Variants in XRCC5 observed in about 807,000 individuals in gnomAD.
The protein encoded by XRCC5 is X-ray repair cross complementing 5.
A neutral mutation model predicts 95.7 loss-of-function variants in XRCC5; 12 were observed. The observed-to-expected ratio is 0.13, with a 90% CI of 0.08 to 0.20. The LOEUF is 0.20. Among genes scored for constraint, XRCC5 ranks in the 10% least tolerant of loss-of-function variants. XRCC5 has a pLI of 1.00. For missense variants in XRCC5, 595 were observed against 873.9 expected, an observed-to-expected ratio of 0.68 and a Z score of 4.02; for synonymous variants, 281 against 290.3, an observed-to-expected ratio of 0.97 and a Z score of 0.33.
intron 8 of XRCC5, among the ~76,000 whole-genome samples, chr2:216,129,772 C>A (rs942180424): frequency 6.6e-6 from 1 of 152,218 alleles, no homozygotes; most frequent in Non-Finnish European, 1.5e-5. Context: ...CTCCCAGGTT[C>A]AAGTGATTCT....
intron 16 of XRCC5, among the ~76,000 whole-genome samples, chr2:216,189,981 A>G (rs552397491): frequency 6.6e-6 from 1 of 152,350 alleles, no homozygotes; most frequent in East Asian, 1.9e-4. Context: ...TTCAACTATA[A>G]TTCTCAGCAT....
At chr2:216,185,460 A>T (rs144297473) in intron 16 of XRCC5, among the ~76,000 whole-genome samples, 27 of 152,356 alleles carry the variant, frequency 1.8e-4, no homozygotes, top group African/African-American at 6.3e-4. Context: ...TTAAACAATG[A>T]TTATAATTTA....
At chr2:216,161,530 C>G (rs1302843678) in intron 15 of XRCC5, among the ~76,000 whole-genome samples, 1 of 152,224 alleles carries the variant, frequency 6.6e-6, no homozygotes, top group Non-Finnish European at 1.5e-5. Context: ...AGCAGTCCCA[C>G]TAATGGGCAC....
intron 15 of XRCC5, among the ~76,000 whole-genome samples, chr2:216,161,212 TCTTGTTCTGAGAG>T (rs1297220376): frequency 6.6e-6 from 1 of 152,176 alleles, no homozygotes; most frequent in African/African-American, 2.4e-5. Context: ...AAAGTCATGA[TCTTGTTCTGAGAG>T]CTTTTCTGCT....
chr2:216,158,862 C>T (rs2106025912), intron 14 of XRCC5, among the ~76,000 whole-genome samples: 1 of 152,232 alleles, frequency 6.6e-6, no homozygotes. Flanking sequence ...TTTATTTTCT[C>T]TTGGCTTCAT....
Position 216,119,039 on chromosome 2 carries a change from T to C in XRCC5, c.369-4T>C. The C allele has an allele frequency of 1.2e-6, 2 of 1,613,522 alleles. No homozygotes were observed. Among genetic ancestry groups the C allele is most frequent in the Non-Finnish European group, 1.7e-6 (2 of 1,179,570 alleles). ...TTTCTTAATATGATAACTCTCTCTT[T>C]TAGAGGAAAGAAGTTTGAGAAGAGG... On this transcript the variant is annotated splice_region_variant and splice_polypyrimidine_tract_variant and intron_variant, in intron 4 of 20. Transcript: ENST00000392132.
chr2:216,146,496 GTT>G (rs899408410), intron 13 of XRCC5, among the ~76,000 whole-genome samples: 4 of 151,838 alleles, frequency 2.6e-5, no homozygotes, highest in African/African-American at 9.7e-5. Flanking sequence ...TGTTTTGTTT[GTT>G]TTTTTTAGAA....
intron 16 of XRCC5, among the ~76,000 whole-genome samples, chr2:216,174,341 G>T (rs2111959): frequency 0.18 from 27,409 of 152,132 alleles, 3,110 homozygotes; most frequent in African/African-American, 0.33. Context: ...AATGGGGACA[G>T]TAGATTCCCC....
At chr2:216,194,233 C>T (rs772810079) in intron 18 of XRCC5, among the ~76,000 whole-genome samples, 4 of 151,990 alleles carry the variant, frequency 2.6e-5, no homozygotes, top group Non-Finnish European at 5.9e-5. Flanking sequence ...ATTTTTTTCT[C>T]ATCAGTGTTA....
At chr2:216,130,517 CA>C (rs1696979501) in intron 8 of XRCC5, among the ~76,000 whole-genome samples, 1 of 152,038 alleles carries the variant, frequency 6.6e-6, no homozygotes, top group Non-Finnish European at 1.5e-5. Flanking sequence ...CTTATGTTTA[CA>C]AATCATGCTG....
At chr2:216,184,258 A>G (rs1689449841) in intron 16 of XRCC5, among the ~76,000 whole-genome samples, 1 of 152,208 alleles carries the variant, frequency 6.6e-6, no homozygotes. Context: ...AAGGAAATGT[A>G]TGTAACTCTA....
At chr2:216,116,551 G>T in intron 2 of XRCC5, 108 bp from the exon 3 acceptor site, 1 of 1,226,930 alleles carries the variant, frequency 8.2e-7, no homozygotes, top group East Asian at 2.5e-5. Flanking sequence ...TATGGCCCCA[G>T]GGACCTGCCA....
At chr2:216,148,006 A>C (rs1047506510) in intron 13 of XRCC5, 77 bp from the exon 14 acceptor site, 23 of 1,462,240 alleles carry the variant, frequency 1.6e-5, no homozygotes, top group South Asian at 2.5e-5. Flanking sequence ...CTAAAGATGG[A>C]GGATCCCTGA....
chr2:216,127,401 A>C (rs1696916428), intron 7 of XRCC5, 135 bp from the exon 8 acceptor site: 1 of 978,752 alleles, frequency 1.0e-6, no homozygotes, highest in Non-Finnish European at 1.4e-6. Flanking sequence ...CATAATAGGC[A>C]TGAGCAAACA....
At chr2:216,119,494 A>G (rs1234893530) in intron 5 of XRCC5, among the ~76,000 whole-genome samples, 2 of 152,158 alleles carry the variant, frequency 1.3e-5, no homozygotes, top group African/African-American at 2.4e-5. Context: ...TCCTGCATAG[A>G]AGGCTTTACC....
intron 5 of XRCC5, among the ~76,000 whole-genome samples, chr2:216,121,794 G>T (rs1696817105): frequency 6.6e-6 from 1 of 152,168 alleles, no homozygotes; most frequent in Non-Finnish European, 1.5e-5. Flanking sequence ...CCACAGTTGA[G>T]ACCCTGGGTC....
chr2:216,176,641 T>C (rs1689283911), intron 16 of XRCC5, among the ~76,000 whole-genome samples: 1 of 152,214 alleles, frequency 6.6e-6, no homozygotes, highest in South Asian at 2.1e-4. Flanking sequence ...TTATGGATTT[T>C]ATCTTTTTAA....
At chr2:216,186,602 T>G (rs1190716338) in intron 16 of XRCC5, among the ~76,000 whole-genome samples, 1 of 152,210 alleles carries the variant, frequency 6.6e-6, no homozygotes, top group Non-Finnish European at 1.5e-5. Flanking sequence ...TGGAAATAAA[T>G]GACAGCCATT....
intron 2 of XRCC5, among the ~76,000 whole-genome samples, chr2:216,113,653 G>A (rs901978212): frequency 6.6e-6 from 1 of 152,174 alleles, no homozygotes; most frequent in African/African-American, 2.4e-5. Flanking sequence ...TGGCAGCTGG[G>A]GCTGGAGTCA....
Sources: gnomAD v4.1 joint callset for allele counts (sites outside exome capture counted in the v4.1 genomes callset) on GRCh38, gnomAD v4.1.1 for gene constraint, MANE v1.5 for transcripts, NCBI Gene and HGNC (gene_info 2026-07-23, HGNC 2026-07-21) for gene names.